SCNN1B: variants seen among roughly 807,000 people sequenced by gnomAD.
The protein encoded by SCNN1B is epithelial sodium channel subunit beta.
A neutral mutation model predicts 65.3 loss-of-function variants in SCNN1B; 46 were observed. That is an observed-to-expected ratio of 0.70 (90% confidence interval 0.56 to 0.90). The LOEUF (loss-of-function observed/expected upper bound fraction) is 0.90. SCNN1B is among the 40% of genes least tolerant of loss of function. The pLI, the probability that SCNN1B is intolerant of heterozygous loss-of-function variation, is 0.00. For synonymous variants in SCNN1B, 349 were observed against 330.6 expected, an observed-to-expected ratio of 1.06 and a Z score of -0.60; for missense variants, 751 against 830.5, an observed-to-expected ratio of 0.90 and a Z score of 1.18.
At chr16:23,355,726 T>C (rs1962407116) in intron 4 of SCNN1B, among the ~76,000 whole-genome samples, 1 of 152,016 alleles carries the variant, frequency 6.6e-6, no homozygotes, top group East Asian at 1.9e-4. Context: ...AGGAAAAGTC[T>C]GCAGGGAAAG....
intron 1 of SCNN1B, among the ~76,000 whole-genome samples, chr16:23,339,171 T>TTA (rs1025362587): frequency 2.1e-4 from 32 of 152,336 alleles, no homozygotes; most frequent in African/African-American, 7.5e-4. Context: ...TTAATATTTT[T>TTA]TATATACGTC....
intron 1 of SCNN1B, among the ~76,000 whole-genome samples, chr16:23,305,555 TA>T (rs1417055516): frequency 4.0e-5 from 2 of 49,570 alleles, no homozygotes; most frequent in African/African-American, 1.6e-4. Context: ...TATATATATA[TA>T]TATATATATA....
Position 23,377,198 on chromosome 16 carries a change from C to T in SCNN1B, c.1304C>T (p.Ala435Val), listed in dbSNP as rs1027578512. Reference protein sequence around the residue: ...HCYSDLQMSVAQRETCIGMCK... With the variant: ...HCYSDLQMSVVQRETCIGMCK... ...TACTCAGATCTACAGATGAGCGTGG[C>T]GCAGAGAGAGACCTGCATTGGCATG... Residue 435 changes from alanine (A) to valine (V), a missense_variant, in exon 9 of 13, where the codon GCG becomes GTG. Physicochemically the swap from Ala to Val is moderately conservative, Grantham distance 64 (BLOSUM62 0). Transcript: ENST00000343070. The T allele has an allele frequency of 4.2e-5, 67 of 1,614,082 alleles. No homozygotes were observed. Among genetic ancestry groups the T allele is most frequent in the Non-Finnish European group, 5.0e-5 (59 of 1,180,028 alleles).
At chr16:23,367,487 A>G (rs1962692743) in intron 4 of SCNN1B, among the ~76,000 whole-genome samples, 4 of 152,128 alleles carry the variant, frequency 2.6e-5, no homozygotes, top group Middle Eastern at 3.4e-3. Context: ...TGTAGAGATG[A>G]GGGTCTCACC....
intron 5 of SCNN1B, among the ~76,000 whole-genome samples, chr16:23,369,272 T>C (rs192405281): frequency 1.7e-4 from 26 of 152,214 alleles, no homozygotes; most frequent in Non-Finnish European, 2.2e-4. Flanking sequence ...TTTGTAGAGA[T>C]AAGGTTTCAT....
At chr16:23,295,582 C>T (rs561893971) in intron 2 of SCNN1B, among the ~76,000 whole-genome samples, 44 of 150,646 alleles carry the variant, frequency 2.9e-4, no homozygotes, top group African/African-American at 1.0e-3. Context: ...GAACTCCTGG[C>T]CTCACGCAAT....
chr16:23,338,455 G>A lies in SCNN1B; in HGVS notation c.-8-10137G>A, dbSNP rs187073445. The stretch of plus-strand genomic sequence containing the variant: ...ATAACCAGAGTCAAATCCACTTTCA[G>A]GTTAACCTTCAATTAACTTTAAAAA... On this transcript the variant is annotated intron_variant, in intron 1 of 12. Transcript: ENST00000343070. Among the ~76,000 whole-genome samples the A allele has an allele frequency of 3.3e-3, 500 of 152,276 alleles. 3 individuals carry two copies. The highest frequency in any genetic ancestry group is 0.011 in the African/African-American group (471 of 41,546).
intron 4 of SCNN1B, among the ~76,000 whole-genome samples, chr16:23,357,848 C>A (rs948262541): frequency 1.8e-4 from 28 of 152,200 alleles, no homozygotes; most frequent in African/African-American, 6.8e-4. Flanking sequence ...TCAGGGCACA[C>A]CCGCCAACCA....
chr16:23,353,163 TG>T, intron 3 of SCNN1B, 89 bp downstream of exon 3: 2 of 1,440,720 alleles, frequency 1.4e-6, no homozygotes, highest in Non-Finnish European at 9.7e-7. Flanking sequence ...TGAGTCTCGC[TG>T]GGGGAAAGAC....
At chr16:23,357,310 A>G (rs1281318660) in intron 4 of SCNN1B, among the ~76,000 whole-genome samples, 1 of 152,214 alleles carries the variant, frequency 6.6e-6, no homozygotes, top group Admixed American at 6.5e-5. Context: ...GCAACCGGAC[A>G]TGTGGCTCAC....
intron 1 of SCNN1B, among the ~76,000 whole-genome samples, chr16:23,333,209 G>GAAA (rs1961864019): frequency 4.4e-5 from 4 of 91,234 alleles, no homozygotes; most frequent in African/African-American, 1.8e-4. Context: ...AAGGAAGGAA[G>GAAA]GAAGAAAGAA....
intron 1 of SCNN1B, among the ~76,000 whole-genome samples, chr16:23,278,567 G>C (rs1960737488): frequency 6.6e-6 from 1 of 152,098 alleles, no homozygotes; most frequent in African/African-American, 2.4e-5. Context: ...GGTAGTGGGA[G>C]ACGGGAGGGG....
rs1567319347 is a variant in SCNN1B at position 23,377,580 on chromosome 16, C to CTTCAT, written c.1404+195_1404+196insTCATT. On this transcript the variant is annotated intron_variant, in intron 10 of 12. Transcript: ENST00000343070. ...TTCCTTCCTCCTCTCTTTTCCCTTC[C>CTTCAT]TCCCTCCCTTCTCCCTTCCTTCCTT... Among the ~76,000 whole-genome samples, 646 of 146,056 alleles carry CTTCAT rather than the reference C, an allele frequency of 4.4e-3. 4 individuals carry two copies. The highest frequency in any genetic ancestry group is 7.6e-3 in the Non-Finnish European group (502 of 66,088).
chr16:23,334,835 A>T (rs1474603330), intron 1 of SCNN1B, among the ~76,000 whole-genome samples: 1 of 152,208 alleles, frequency 6.6e-6, no homozygotes, highest in Non-Finnish European at 1.5e-5. Context: ...TGTAGTAGGG[A>T]CTGCCAGATT....
chr16:23,369,385 T>C (rs905554524), intron 5 of SCNN1B, among the ~76,000 whole-genome samples: 4 of 152,072 alleles, frequency 2.6e-5, no homozygotes, highest in Admixed American at 6.6e-5. Flanking sequence ...CGCCCAGCTG[T>C]ACAGTTCTTA....
At chr16:23,340,211 A>T (rs956535378) in intron 1 of SCNN1B, among the ~76,000 whole-genome samples, 1 of 152,218 alleles carries the variant, frequency 6.6e-6, no homozygotes, top group Non-Finnish European at 1.5e-5. Context: ...TTTGTCAGAC[A>T]TATGTATTCC....
rs987960240 is a variant in SCNN1B at position 23,375,083 on chromosome 16, G to C, written c.1153-655G>C. On this transcript the variant is annotated intron_variant, in intron 7 of 12. Coordinates refer to ENST00000343070, the MANE Select transcript of SCNN1B (RefSeq NM_000336.3). ...CTCTGAGTGGACTGAAACCAGGTCA[G>C]AATGACCTGAAAGCCCAGTATGTTG... is the stretch of plus-strand genomic sequence containing the variant. Among the ~76,000 whole-genome samples the C allele has an allele frequency of 3.3e-5, 5 of 152,056 alleles. No homozygotes were observed. The East Asian group carries it at 7.7e-4, about 24-fold the overall frequency.
intron 1 of SCNN1B, among the ~76,000 whole-genome samples, chr16:23,321,273 C>T (rs1324904660): frequency 3.9e-5 from 6 of 152,290 alleles, no homozygotes; most frequent in Admixed American, 3.9e-4. Context: ...AACTCTTACC[C>T]TCAAGTGATC....
chr16:23,352,262 T>A (rs1962324697), intron 2 of SCNN1B, among the ~76,000 whole-genome samples: 1 of 152,212 alleles, frequency 6.6e-6, no homozygotes, highest in South Asian at 2.1e-4. Flanking sequence ...GGTGGAAAGA[T>A]GGATGCATGG....
Sources: gnomAD v4.1 joint callset for allele counts (sites outside exome capture counted in the v4.1 genomes callset) on GRCh38, gnomAD v4.1.1 for gene constraint, MANE v1.5 for transcripts, NCBI Gene and HGNC (gene_info 2026-07-23, HGNC 2026-07-21) for gene names.